Variants in FAM193A observed in about 807,000 individuals in gnomAD.
FAM193A encodes family with sequence similarity 193 member A, also known as protein FAM193A.
A neutral mutation model predicts 126.5 loss-of-function variants in FAM193A; 22 were observed. That is an observed-to-expected ratio of 0.17 (90% CI 0.12 to 0.25). The LOEUF (loss-of-function observed/expected upper bound fraction) is 0.25, where lower values mean the gene tolerates loss of function less well. FAM193A is among the 10% of genes least tolerant of loss of function. FAM193A has a pLI of 1.00. For missense variants in FAM193A, 1,675 were observed against 1,672.8 expected, an observed-to-expected ratio of 1.00 and a Z score of -0.02; for synonymous variants, 761 against 646.8, an observed-to-expected ratio of 1.18 and a Z score of -2.68.
intron 1 of FAM193A, among the ~76,000 whole-genome samples, chr4:2,543,712 G>A (rs1411755930): frequency 5.3e-5 from 8 of 151,654 alleles, no homozygotes. Context: ...GCAAAAATTA[G>A]CCAGGCATGG....
At chr4:2,678,360 G>GTTTT (rs201173761) in intron 13 of FAM193A, among the ~76,000 whole-genome samples, 56 of 120,160 alleles carry the variant, frequency 4.7e-4, no homozygotes, top group African/African-American at 1.6e-3. Context: ...GGTTTTGGTG[G>GTTTT]TTTTTTTTTT....
At chr4:2,575,839 A>T (rs1308890882) in intron 1 of FAM193A, among the ~76,000 whole-genome samples, 2 of 152,108 alleles carry the variant, frequency 1.3e-5, no homozygotes, top group African/African-American at 4.8e-5. Context: ...GTCCATAAAG[A>T]TGGGCCCTCT....
At chr4:2,626,756 G>A (rs888684976) in intron 4 of FAM193A, among the ~76,000 whole-genome samples, 179 bp downstream of exon 4, 10 of 152,116 alleles carry the variant, frequency 6.6e-5, no homozygotes, top group East Asian at 1.9e-4. Context: ...TAGGTCAAAC[G>A]TCTTGAATTT....
At chr4:2,693,921 G>A in intron 16 of FAM193A, 47 bp downstream of exon 16, 1 of 1,567,976 alleles carries the variant, frequency 6.4e-7, no homozygotes, top group Non-Finnish European at 8.7e-7. Context: ...TGGAAAATGG[G>A]TGTTATGCCT....
intron 19 of FAM193A, among the ~76,000 whole-genome samples, chr4:2,703,501 C>T (rs936925016): frequency 5.3e-5 from 8 of 152,190 alleles, no homozygotes; most frequent in Non-Finnish European, 1.0e-4. Flanking sequence ...CCCACCTTGG[C>T]CTCCCAAAGT....
At chr4:2,580,452 C>T (rs1490956244) in intron 1 of FAM193A, among the ~76,000 whole-genome samples, 1 of 152,120 alleles carries the variant, frequency 6.6e-6, no homozygotes, top group Non-Finnish European at 1.5e-5. Context: ...ACCTGTGTAA[C>T]CTGCACGTGC....
intron 2 of FAM193A, among the ~76,000 whole-genome samples, chr4:2,620,177 G>A (rs537243963): frequency 6.6e-6 from 1 of 152,282 alleles, no homozygotes; most frequent in South Asian, 2.1e-4. Context: ...TATATGATGA[G>A]TGCTATAATG....
chr4:2,581,872 C>G (rs1739961240), intron 1 of FAM193A, among the ~76,000 whole-genome samples: 1 of 151,106 alleles, frequency 6.6e-6, no homozygotes, highest in African/African-American at 2.4e-5. Context: ...CCAGGATGGT[C>G]TCAGTCTCCT....
intron 19 of FAM193A, among the ~76,000 whole-genome samples, chr4:2,714,425 T>G (rs1320336013): frequency 6.6e-6 from 1 of 152,108 alleles, no homozygotes; most frequent in Non-Finnish European, 1.5e-5. Flanking sequence ...AACCTAATCT[T>G]TCCCTTCCTC....
chr4:2,575,694 T>C (rs1739545069), intron 1 of FAM193A, among the ~76,000 whole-genome samples: 2 of 152,096 alleles, frequency 1.3e-5, no homozygotes, highest in African/African-American at 2.4e-5. Context: ...CTTGAACTCC[T>C]GACCTCAGGG....
chr4:2,666,005 A>G (rs1165232270), intron 12 of FAM193A, among the ~76,000 whole-genome samples: 1 of 151,964 alleles, frequency 6.6e-6, no homozygotes, highest in Non-Finnish European at 1.5e-5. Flanking sequence ...TGCCTTATTG[A>G]GCTAGCTGGA....
At chr4:2,721,027 G>T (rs74651143) in intron 20 of FAM193A, among the ~76,000 whole-genome samples, 1,591 of 152,148 alleles carry the variant, frequency 0.01, 31 homozygotes, top group African/African-American at 0.036. Flanking sequence ...AATTAGCCAG[G>T]CGTGGGCCGG....
intron 2 of FAM193A, among the ~76,000 whole-genome samples, chr4:2,606,177 T>C (rs1051466329): frequency 6.9e-6 from 1 of 144,456 alleles, no homozygotes; most frequent in African/African-American, 2.6e-5. Flanking sequence ...CAACCTCCCA[T>C]GTTGCTGGGA....
chr4:2,581,150 A>AAAC (rs1739908509), intron 1 of FAM193A, among the ~76,000 whole-genome samples: 4 of 151,998 alleles, frequency 2.6e-5, no homozygotes, highest in Admixed American at 2.0e-4. Context: ...ACAAAAAAAA[A>AAAC]ACCACTGATT....
At position 2,710,834 on chromosome 4, in the gene FAM193A, TTTTC is replaced by T. The variant is rs966189254; in HGVS notation, c.4373-5183_4373-5180del. On this transcript the variant is annotated intron_variant, in intron 19 of 20. Coordinates refer to ENST00000637812, the MANE Select transcript of FAM193A (RefSeq NM_001366318.2). ...TTGTTAATTTCTGCTTTCGTCTTTA[TTTTC>T]TTTCTGTGCTTTCTTTTTTTTTTTT... 2.0e-5 allele frequency among the ~76,000 whole-genome samples: 3 copies of T among 148,298 alleles called. No individual in the cohort carries two copies. In the East Asian group the frequency reaches 6.1e-4, roughly 30 times the overall value.
intron 6 of FAM193A, among the ~76,000 whole-genome samples, chr4:2,645,741 G>A (rs1017275022): frequency 6.6e-6 from 1 of 152,080 alleles, no homozygotes; most frequent in Non-Finnish European, 1.5e-5. Flanking sequence ...TGGCCAGGCT[G>A]GTCTTGAACT....
intron 4 of FAM193A, among the ~76,000 whole-genome samples, chr4:2,627,378 C>G (rs1377915440): frequency 1.5e-5 from 2 of 130,474 alleles, no homozygotes; most frequent in South Asian, 2.8e-4. Context: ...TCAGGTTGGT[C>G]TCTAACATAA....
chr4:2,649,374 G>GA (rs35548308), intron 7 of FAM193A, among the ~76,000 whole-genome samples: 9,366 of 94,184 alleles, frequency 0.099, 465 homozygotes, highest in African/African-American at 0.16. Context: ...GACCCTGTCT[G>GA]AAAAAAAAAA....
intron 19 of FAM193A, among the ~76,000 whole-genome samples, chr4:2,702,648 C>T (rs1290636437): frequency 6.6e-6 from 1 of 152,208 alleles, no homozygotes; most frequent in Non-Finnish European, 1.5e-5. Context: ...TTCTCCCTTC[C>T]CCGTCCACCT....
Sources: allele counts gnomAD v4.1 joint callset (sites outside exome capture counted in the v4.1 genomes callset), GRCh38; gene constraint gnomAD v4.1.1; transcripts MANE v1.5; gene names NCBI Gene and HGNC (gene_info 2026-07-23, HGNC 2026-07-21).